The following NOTCH1 variants were observed in gnomAD, a reference collection of about 807,000 sequenced individuals.
NOTCH1 encodes notch receptor 1.
Under a neutral mutation model 254.8 loss-of-function variants are expected in NOTCH1, and 37 were observed. That is an observed-to-expected ratio of 0.15 (90% CI 0.11 to 0.19). The LOEUF (loss-of-function observed/expected upper bound fraction) is 0.19. Among genes scored for constraint, NOTCH1 ranks in the 10% least tolerant of loss-of-function variants. The pLI, the probability that NOTCH1 is intolerant of heterozygous loss-of-function variation, is 1.00. For synonymous variants in NOTCH1, 1,731 were observed against 1,618.1 expected (o/e 1.07, Z -1.68); for missense variants, 2,972 against 3,708.6 (o/e 0.80, Z 5.16).
rs566680728 is a variant in NOTCH1 at position 136,504,764 on chromosome 9, C to T, written c.4927G>A (p.Ala1643Thr). The T allele has an allele frequency of 1.8e-5, 28 of 1,549,868 alleles. No homozygotes were observed. The African/African-American group carries it at 2.0e-4, about 11-fold the overall frequency. Reference protein sequence around the residue: ...RAAEGWAAPDALLGQVKASLL... With the variant: ...RAAEGWAAPDTLLGQVKASLL... ...GAGGCCTTCACCTGGCCCAGCAGGG[C>T]GTCAGGTGCGGCCCAGCCCTCGGCG... Residue 1643 changes from alanine to threonine, a missense_variant, in exon 26 of 34, where the codon GCC becomes ACC. This residue lies in a region of NOTCH1 where 1,343 missense variants were observed against 1,557.0 expected (regional missense o/e 0.86). Coordinates refer to ENST00000651671, the MANE Select transcript of NOTCH1 (RefSeq NM_017617.5).
intron 2 of NOTCH1, among the ~76,000 whole-genome samples, chr9:136,537,850 T>G (rs529569518): frequency 6.6e-6 from 1 of 152,130 alleles, no homozygotes; most frequent in Non-Finnish European, 1.5e-5. Context: ...CCCAGCACTT[T>G]GAGAGGCCAA....
At chr9:136,502,142 C>T (rs2133330388) in intron 28 of NOTCH1, 54 bp from the exon 29 acceptor site, 2 of 1,607,416 alleles carry the variant, frequency 1.2e-6, no homozygotes, top group Non-Finnish European at 1.7e-6. Flanking sequence ...AGGAAGCCCC[C>T]AGAGACCCCT....
Position 136,508,893 on chromosome 9 carries a change from C to A in NOTCH1, c.3148G>T (p.Gly1050Cys). The change falls in exon 19 of 34, where the codon GGC (glycine) becomes TGC (cysteine). Residue 1050 changes from glycine (G) to cysteine (C), a missense_variant. This residue lies in a region of NOTCH1 where 1,343 missense variants were observed against 1,557.0 expected (regional missense o/e 0.86). Transcript: ENST00000651671. ...ACCTGGCAGTTGGGGCCAGTGTAGC[C>A]CTGGGGGCAGGTGCACCTGTAGGAG... ...CGSYRCTCPQ[G>C]YTGPNCQNLV... 6.5e-7 allele frequency: 1 copy of A among 1,548,116 alleles called. No individual in the cohort carries two copies. The highest frequency in any genetic ancestry group is 1.2e-5 in the South Asian group (1 of 83,966).
chr9:136,499,847 G>A (rs1304856184), intron 31 of NOTCH1, among the ~76,000 whole-genome samples: 2 of 152,186 alleles, frequency 1.3e-5, no homozygotes, highest in Admixed American at 6.5e-5. Context: ...AAACCCGCAC[G>A]GGGCTCCCTT....
intron 2 of NOTCH1, among the ~76,000 whole-genome samples, chr9:136,533,347 A>C (rs1843591746): frequency 6.6e-6 from 1 of 151,968 alleles, no homozygotes; most frequent in Admixed American, 6.6e-5. Context: ...CGTCAGGGAA[A>C]CCACACATGT....
rs2133401316 is a variant in NOTCH1, at chr9:136,540,224, T to G, written c.140+3800A>C. On this transcript the variant is annotated intron_variant, in intron 2 of 33. Transcript: ENST00000651671. This position sits in a 1 kb window ranked among gnomAD's most constrained non-coding sequence, Gnocchi z 4.4. ...GCCTCTCTCACGCCTTGCTGGGAAGTGAACTCCACAGGAGCAGGGGCCATG... is the reference window on the plus strand; with the variant it reads ...GCCTCTCTCACGCCTTGCTGGGAAGGGAACTCCACAGGAGCAGGGGCCATG... 6.6e-6 allele frequency among the ~76,000 whole-genome samples: 1 copy of G among 152,286 alleles called. No individual in the cohort carries two copies. Among genetic ancestry groups the G allele is most frequent in the Middle Eastern group, 3.4e-3 (1 of 294 alleles).
Position 136,519,573 on chromosome 9 carries a change from A to G in NOTCH1, c.743-8T>C, listed in dbSNP as rs2133372932. The G allele has an allele frequency of 6.2e-7, 1 of 1,612,618 alleles. No individual in the cohort carries two copies. The highest frequency in any genetic ancestry group is 8.5e-7 in the Non-Finnish European group (1 of 1,179,844). ...AGTTCTGGCCGGTGAAGCCTGCCGC[A>G]AGAGGGGCCGGGTCAGCCTCTTCCC... On this transcript the variant is annotated splice_polypyrimidine_tract_variant and splice_region_variant and intron_variant, in intron 4 of 33. Transcript: ENST00000651671.
At chr9:136,536,524 T>C (rs1843660047) in intron 2 of NOTCH1, among the ~76,000 whole-genome samples, 1 of 152,160 alleles carries the variant, frequency 6.6e-6, no homozygotes, top group Non-Finnish European at 1.5e-5. Context: ...GGGGCTGAGA[T>C]GCCTGCCCGC....
chr9:136,508,352 T>C lies in NOTCH1; in HGVS notation c.3205A>G (p.Lys1069Glu), dbSNP rs2133347598. Residue 1069 changes from lysine (K) to glutamate (E), a missense_variant, in exon 20 of 34, where the codon AAG (lysine) becomes GAG (glutamate). Lys to Glu is a moderately conservative substitution (Grantham distance 56). Transcript: ENST00000651671. ...GTCTGCCAGCATTTGCCGCCGTTCT[T>C]GCAGGGCGAGGAGTCACACCAGTGC... ...LVHWCDSSPC[K>E]NGGKCWQTHT... The C allele has an allele frequency of 6.2e-7, 1 of 1,613,238 alleles. No homozygotes were observed. The highest frequency in any genetic ancestry group is 8.5e-7 in the Non-Finnish European group (1 of 1,180,010).
Position 136,506,676 on chromosome 9 carries a change from G to T in NOTCH1, c.3902-37C>A, listed in dbSNP as rs1186334029. On this transcript the variant is annotated intron_variant, in intron 23 of 33. Coordinates refer to ENST00000651671, the MANE Select transcript of NOTCH1 (RefSeq NM_017617.5). This position sits in a 1 kb window ranked among gnomAD's most constrained non-coding sequence, Gnocchi z 4.5. ...AGCAGGGCAGTGAGAGGCTCACCCT[G>T]CTGCCCCACACGCCCCACCCGCCTG... 1 of 1,597,352 alleles carries T rather than the reference G, an allele frequency of 6.3e-7. No homozygotes were observed. The highest frequency in any genetic ancestry group is 2.3e-5 in the East Asian group (1 of 44,118).
chr9:136,535,470 G>T (rs796505578), intron 2 of NOTCH1, among the ~76,000 whole-genome samples: 104 of 136,288 alleles, frequency 7.6e-4, no homozygotes, highest in Non-Finnish European at 1.4e-3. Context: ...TAGGCGGGGA[G>T]CACTCAGGAT....
intron 12 of NOTCH1, 26 bp from the exon 13 acceptor site, chr9:136,514,728 G>A (rs761894685): frequency 1.8e-5 from 29 of 1,605,934 alleles, no homozygotes; most frequent in South Asian, 1.3e-4. Context: ...GTCAGACTCC[G>A]AGGCCCAGCG....
intron 4 of NOTCH1, among the ~76,000 whole-genome samples, chr9:136,522,166 A>G (rs1442646408): frequency 1.3e-5 from 2 of 151,700 alleles, no homozygotes; most frequent in African/African-American, 2.4e-5. Context: ...TTTAGTAGAG[A>G]CGGGGTTTCG....
At chr9:136,503,749 G>C (rs1041156761) in intron 26 of NOTCH1, among the ~76,000 whole-genome samples, 1 of 152,226 alleles carries the variant, frequency 6.6e-6, no homozygotes, top group African/African-American at 2.4e-5. Context: ...TGGTGAGGCT[G>C]GCTGGGGGTG....
intron 8 of NOTCH1, 30 bp downstream of exon 8, chr9:136,517,722 G>A (rs374073674): frequency 8.4e-5 from 136 of 1,611,900 alleles, no homozygotes; most frequent in Middle Eastern, 3.3e-4. Flanking sequence ...GCCTCGACTC[G>A]GTTTCCCGCC....
chr9:136,516,258 C>T (rs1021201271), intron 9 of NOTCH1, among the ~76,000 whole-genome samples, 164 bp from the exon 10 acceptor site: 2 of 152,212 alleles, frequency 1.3e-5, no homozygotes, highest in Non-Finnish European at 1.5e-5. Context: ...CTGCCCGCTC[C>T]CCGGATCAAA....
rs368396893 is a variant in NOTCH1 at position 136,502,408 on chromosome 9, C to G, written c.5248G>C (p.Val1750Leu). 6.2e-7 allele frequency: 1 copy of G among 1,611,604 alleles called. No individual in the cohort carries two copies. The highest frequency in any genetic ancestry group is 8.5e-7 in the Non-Finnish European group (1 of 1,179,556). ...AAAAFVLLFF[V>L]GCGVLLSRKR... ...CGGGACAGCAGCACCCCGCAGCCCA[C>G]GAAGAACAGAAGCACAAAGGCGGCC... Residue 1750 changes from valine to leucine, a missense_variant, in exon 28 of 34, where the codon GTG becomes CTG. Physicochemically the swap from Val to Leu is conservative, Grantham distance 32. This residue lies in a region of NOTCH1 where 421 missense variants were observed against 604.4 expected (regional missense o/e 0.70). Coordinates refer to ENST00000651671, the MANE Select transcript of NOTCH1 (RefSeq NM_017617.5).
At chr9:136,507,196 G>A (rs1162162138) in intron 22 of NOTCH1, 109 bp downstream of exon 22, 6 of 1,577,470 alleles carry the variant, frequency 3.8e-6, no homozygotes, top group South Asian at 2.2e-5. Context: ...CAGGAAAATG[G>A]GAGTTTCTGG....
At position 136,508,000 on chromosome 9, in the gene NOTCH1, C is replaced by T. The variant is rs373549877; in HGVS notation, c.3465G>A (p.Gln1155=). 7 of 1,612,598 alleles carry T rather than the reference C, an allele frequency of 4.3e-6. No individual in the cohort carries two copies. The African/African-American group carries it at 9.3e-5, about 22-fold the overall frequency. Residue 1155 remains glutamine, a synonymous_variant, in exon 21 of 34, where the codon CAG becomes CAA. Coordinates refer to ENST00000651671, the MANE Select transcript of NOTCH1 (RefSeq NM_017617.5). ...GGTAGTCCGTGCAGGTGGCCCCGTT[C>T]TGGCAGGGGCTGGGTGAGCACTCGT... ...LVDECSPSPC[Q]NGATCTDYLG...
Sources: gnomAD v4.1 joint callset for allele counts (sites outside exome capture counted in the v4.1 genomes callset) on GRCh38, gnomAD v4.1.1 for gene constraint, gnomAD v4.1.1 regional missense constraint, Gnocchi (gnomAD v3.1) non-coding constraint, MANE v1.5 for transcripts, NCBI Gene and HGNC (gene_info 2026-07-23, HGNC 2026-07-21) for gene names.